The following BRD4 variants were observed in gnomAD, a reference collection of about 807,000 sequenced individuals.
BRD4 encodes bromodomain containing 4.
Under a neutral mutation model 142.1 loss-of-function variants are expected in BRD4, and 16 were observed. The observed-to-expected ratio is 0.11, with a 90% CI of 0.08 to 0.17. The LOEUF is 0.17. BRD4 is among the 10% of genes least tolerant of loss of function. The pLI, the probability that BRD4 is intolerant of heterozygous loss-of-function variation, is 1.00. For synonymous variants in BRD4, 833 were observed against 707.5 expected (o/e 1.18, Z -2.82); for missense variants, 1,424 against 1,810.9 (o/e 0.79, Z 3.88).
chr19:15,331,125 C>T (rs1362709112), intron 1 of BRD4, among the ~76,000 whole-genome samples: 1 of 151,930 alleles, frequency 6.6e-6, no homozygotes, highest in Non-Finnish European at 1.5e-5. Flanking sequence ...CCAGGCTGCA[C>T]GAAACGTAAA....
At chr19:15,268,294 G>C (rs1418293430) in intron 3 of BRD4, 1 of 152,540 alleles carries the variant, frequency 6.6e-6, no homozygotes, top group African/African-American at 2.4e-5. Flanking sequence ...GTAAACAAAT[G>C]ATCTGGCTTC....
intron 1 of BRD4, among the ~76,000 whole-genome samples, chr19:15,279,508 G>A (rs1040761023): frequency 6.6e-6 from 1 of 152,050 alleles, no homozygotes; most frequent in Non-Finnish European, 1.5e-5. Context: ...TCCTTCAAAG[G>A]GGCTTTCAGG....
intron 1 of BRD4, among the ~76,000 whole-genome samples, chr19:15,277,784 C>T (rs970098999): frequency 4.0e-5 from 6 of 149,218 alleles, no homozygotes; most frequent in South Asian, 2.2e-4. Flanking sequence ...AGCAAGACTC[C>T]GTCTCCAAAA....
At chr19:15,280,859 T>TA (rs2145646740) in intron 1 of BRD4, among the ~76,000 whole-genome samples, 1 of 152,322 alleles carries the variant, frequency 6.6e-6, no homozygotes, top group East Asian at 1.9e-4. Flanking sequence ...CCCTGACTGG[T>TA]AAAAACCTGG....
At chr19:15,328,492 G>A (rs1338889940) in intron 1 of BRD4, among the ~76,000 whole-genome samples, 1 of 152,086 alleles carries the variant, frequency 6.6e-6, no homozygotes, top group African/African-American at 2.4e-5. Context: ...CAGGCTGCTC[G>A]GACTAATAAG....
intron 11 of BRD4, 95 bp from the exon 12 acceptor site, chr19:15,244,857 GAGA>G (rs1386691146): frequency 2.6e-5 from 41 of 1,598,928 alleles, no homozygotes; most frequent in Non-Finnish European, 3.4e-5. Context: ...GCACTTTCAG[GAGA>G]AGGACCAGTG....
At chr19:15,305,880 T>C (rs575196092) in intron 1 of BRD4, among the ~76,000 whole-genome samples, 1 of 152,388 alleles carries the variant, frequency 6.6e-6, no homozygotes, top group East Asian at 1.9e-4. Context: ...TCTGGATAAC[T>C]TGCTACAGTT....
chr19:15,306,217 T>G (rs1013665250), intron 1 of BRD4, among the ~76,000 whole-genome samples: 7 of 152,228 alleles, frequency 4.6e-5, no homozygotes, highest in Non-Finnish European at 1.0e-4. Flanking sequence ...GCATTCACAA[T>G]CTGGCTAACT....
intron 14 of BRD4, among the ~76,000 whole-genome samples, chr19:15,241,070 G>A (rs1432107228): frequency 6.6e-6 from 1 of 152,236 alleles, no homozygotes; most frequent in Admixed American, 6.5e-5. Flanking sequence ...CCTAACGCCA[G>A]AAGACACTGC....
At chr19:15,273,495 A>G (rs538542683) in intron 1 of BRD4, among the ~76,000 whole-genome samples, 15 of 152,170 alleles carry the variant, frequency 9.9e-5, no homozygotes, top group Non-Finnish European at 2.1e-4. Context: ...TTTTTAGGAG[A>G]TGCTGCCTGT....
Position 15,265,461 on chromosome 19 carries a change from G to C in BRD4, c.742C>G (p.Gln248Glu). Residue 248 changes from glutamine to glutamate, a missense_variant, in exon 5 of 20, where the codon CAG becomes GAG. Coordinates refer to ENST00000679869, the MANE Select transcript of BRD4 (RefSeq NM_001379291.1). ...TGGGGGGGCACTGGCGGGGGCGTCT[G>C]CAGTGGCTGGGGAGGCACCACTGTC... is the stretch of plus-strand genomic sequence containing the variant. Reference protein sequence around the residue: ...VMTVVPPQPLQTPPPVPPQPQ... With the variant: ...VMTVVPPQPLETPPPVPPQPQ... 1 of 1,591,420 alleles carries C rather than the reference G, an allele frequency of 6.3e-7. No homozygotes were observed. The highest frequency in any genetic ancestry group is 8.6e-7 in the Non-Finnish European group (1 of 1,166,976).
chr19:15,290,161 G>A (rs1436839200), intron 1 of BRD4, among the ~76,000 whole-genome samples: 2 of 152,110 alleles, frequency 1.3e-5, no homozygotes, highest in Non-Finnish European at 2.9e-5. Flanking sequence ...CTTCACTGAG[G>A]ATCCATTGGA....
At chr19:15,323,768 G>A (rs973600547) in intron 1 of BRD4, among the ~76,000 whole-genome samples, 4 of 152,206 alleles carry the variant, frequency 2.6e-5, no homozygotes, top group African/African-American at 9.6e-5. Flanking sequence ...TCAGCCTTGA[G>A]TGGAGACCAA....
chr19:15,300,437 C>T (rs2047857997), intron 1 of BRD4, among the ~76,000 whole-genome samples: 1 of 151,510 alleles, frequency 6.6e-6, no homozygotes, highest in Non-Finnish European at 1.5e-5. Flanking sequence ...TGCCTGTAAT[C>T]CCAGCTACTT....
intron 1 of BRD4, among the ~76,000 whole-genome samples, chr19:15,281,796 T>A (rs973667021): frequency 6.6e-6 from 1 of 152,118 alleles, no homozygotes; most frequent in Non-Finnish European, 1.5e-5. Context: ...GGCGGGTGGA[T>A]TGCCTGAGTT....
Position 15,263,485 on chromosome 19 carries a change from A to G in BRD4, c.1276T>C (p.Phe426Leu). The G allele has an allele frequency of 1.2e-6, 2 of 1,614,232 alleles. No individual in the cohort carries two copies. Among genetic ancestry groups the G allele is most frequent in the Non-Finnish European group, 8.5e-7 (1 of 1,180,040 alleles). Reference sequence around the variant, plus strand: ...GGGTTGTACTTATAGCAGTTGGAGAACATCAATCGGACGTCAGCACCAAAC... The same window carrying G: ...GGGTTGTACTTATAGCAGTTGGAGAGCATCAATCGGACGTCAGCACCAAAC... ...QEFGADVRLM[F>L]SNCYKYNPPD... The change falls in exon 7 of 20, where the codon TTC becomes CTC. Residue 426 changes from phenylalanine to leucine, a missense_variant. Transcript: ENST00000679869.
At position 15,238,691 on chromosome 19, in the gene BRD4, C is replaced by G; in HGVS notation, c.4020+52G>C. The G allele has an allele frequency of 6.8e-7, 1 of 1,462,144 alleles. No individual in the cohort carries two copies. The allele number at this position is 1,462,144 out of a possible 1,614,324, so 90.6% of individuals were successfully genotyped here. On this transcript the variant is annotated intron_variant, in intron 19 of 19. Transcript: ENST00000679869. This position sits in a 1 kb window ranked among gnomAD's most constrained non-coding sequence, Gnocchi z 7.2. The stretch of plus-strand genomic sequence containing the variant: ...AGGCTCCAGTCCCCCTTTCCCAGCT[C>G]CCTCAGGAGCTAATCCTTAGACCAG...
chr19:15,316,345 A>G (rs889287457), intron 1 of BRD4, among the ~76,000 whole-genome samples: 1 of 151,964 alleles, frequency 6.6e-6, no homozygotes, highest in African/African-American at 2.4e-5. Flanking sequence ...GGATAAATGG[A>G]AGTGAAGGCC....
chr19:15,258,730 C>T (rs951723533), intron 7 of BRD4, among the ~76,000 whole-genome samples: 31 of 151,932 alleles, frequency 2.0e-4, no homozygotes, highest in Non-Finnish European at 4.4e-4. Flanking sequence ...CTGCCTCAGC[C>T]TCCTTGAGAA....
Sources: gnomAD v4.1 joint callset for allele counts (sites outside exome capture counted in the v4.1 genomes callset) on GRCh38, gnomAD v4.1.1 for gene constraint, Gnocchi (gnomAD v3.1) non-coding constraint, MANE v1.5 for transcripts, NCBI Gene and HGNC (gene_info 2026-07-23, HGNC 2026-07-21) for gene names.